SRA1: variants seen among roughly 807,000 people sequenced by gnomAD.
SRA1 encodes lncRNA SRA.
A neutral mutation model predicts 24.3 loss-of-function variants in SRA1; 25 were observed. The ratio of observed to expected loss-of-function variants is 1.03; its 90% CI spans 0.75 to 1.43. The LOEUF is 1.43. Among genes scored for constraint, SRA1 ranks in the 40% most tolerant of loss-of-function variants. The pLI, the probability that SRA1 is intolerant of heterozygous loss-of-function variation, is 0.00. For missense variants in SRA1, 303 were observed against 286.6 expected, an observed-to-expected ratio of 1.06 and a Z score of -0.41; for synonymous variants, 104 against 109.5, an observed-to-expected ratio of 0.95 and a Z score of 0.31.
chr5:140,555,211 T>C (rs1754660738), intron 2 of SRA1, among the ~76,000 whole-genome samples: 1 of 150,914 alleles, frequency 6.6e-6, no homozygotes, highest in Non-Finnish European at 1.5e-5. Flanking sequence ...CAGCATTCAT[T>C]ACTATTGATT....
chr5:140,550,728 G>A lies in SRA1; in HGVS notation c.647C>T (p.Thr216Ile). 6.2e-7 allele frequency: 1 copy of A among 1,614,090 alleles called. No individual in the cohort carries two copies. The highest frequency in any genetic ancestry group is 1.1e-5 in the South Asian group (1 of 91,074). Residue 216 changes from threonine (T) to isoleucine (I), a missense_variant, in exon 5 of 5, where the codon ACC (threonine) becomes ATC (isoleucine). Thr to Ile is a moderately conservative substitution (Grantham distance 89, BLOSUM62 -1). Transcript: ENST00000336283. ...TGAAGCCTGCTGGAAGCCTGGTATG[G>A]TATGGTTCTTCTCAGCTGTGGCTGC... ...KSAATAEKNH[T>I]IPGFQQAS
At chr5:140,557,107 C>T in intron 2 of SRA1, 40 bp downstream of exon 2, 1 of 1,147,864 alleles carries the variant, frequency 8.7e-7, no homozygotes, top group Non-Finnish European at 1.2e-6. Flanking sequence ...CCCCCCCCCC[C>T]CATTCTCCGT....
In SRA1 at chr5:140,557,244, C is replaced by T. The variant is rs372951909; in HGVS notation, c.54G>A (p.Pro18=). 1.2e-5 allele frequency: 20 copies of T among 1,612,508 alleles called. 1 individual carries two copies. Among genetic ancestry groups the T allele is most frequent in the Middle Eastern group, 1.6e-4 (1 of 6,084 alleles). Residue 18 remains proline (P), a synonymous_variant, in exon 2 of 5, where the codon CCG becomes CCA. Transcript: ENST00000336283. ...TCTGCAGCCCGTATGAGAACTGCGG[C>T]GGGTCGTTCCAGCCGCGTTCCTTGT... is the stretch of plus-strand genomic sequence containing the variant. ...PGNKERGWND[P]PQFSYGLQTQ...
At chr5:140,557,368 A>G in intron 1 of SRA1, 60 bp downstream of exon 1, 1 of 1,602,570 alleles carries the variant, frequency 6.2e-7, no homozygotes. Flanking sequence ...AAGCGCCGCA[A>G]CCGCCCCCAG....
intron 2 of SRA1, among the ~76,000 whole-genome samples, chr5:140,552,653 C>CAA (rs1230692302): frequency 4.6e-5 from 5 of 107,678 alleles, no homozygotes; most frequent in Non-Finnish European, 9.8e-5. Flanking sequence ...AACTCTGTCT[C>CAA]AAAAAAAAAA....
At chr5:140,556,202 A>G (rs1754689852) in intron 2 of SRA1, among the ~76,000 whole-genome samples, 1 of 152,240 alleles carries the variant, frequency 6.6e-6, no homozygotes, top group Non-Finnish European at 1.5e-5. Flanking sequence ...TTAAGAAACC[A>G]AGCCTTGTAT....
chr5:140,557,536 A>G (rs538318648), upstream of SRA1: 2 of 1,478,618 alleles, frequency 1.4e-6, no homozygotes, highest in East Asian at 2.5e-5. Flanking sequence ...GTCCAGGGCC[A>G]GGCGGGTTGC....
Position 140,550,619 on chromosome 5 carries a change from G to C in SRA1, c.*81C>G. 7.2e-7 allele frequency: 1 copy of C among 1,395,672 alleles called. No homozygotes were observed. The highest frequency in any genetic ancestry group is 1.0e-6 in the Non-Finnish European group (1 of 985,110). 86.5% of individuals were successfully genotyped at this position (1,395,672 alleles called of 1,614,324 possible). On this transcript the variant is annotated 3_prime_UTR_variant, in exon 5 of 5. Coordinates refer to ENST00000336283, the MANE Select transcript of SRA1 (RefSeq NM_001035235.4). ...GGTCAGGCCCAGTGGGACAGTCTTG[G>C]TGGTGGTAAGAAGGGAGCCAAGTGA...
Position 140,551,080 on chromosome 5 carries a change from T to C in SRA1, c.444A>G (p.Arg148=), listed in dbSNP as rs1412245955. ...GGKLSIPVKK[R]MALLVQELSS... is the part of the protein sequence containing the mutation. ...CCATACCTTGCACCAGTAGAGCCAT[T>C]CTCTTCTTTACAGGTATTGACAACT... The change falls in exon 4 of 5, where the codon AGA becomes AGG. Residue 148 remains arginine, a synonymous_variant. Coordinates refer to ENST00000336283, the MANE Select transcript of SRA1 (RefSeq NM_001035235.4). 1 of 1,613,920 alleles carries C rather than the reference T, an allele frequency of 6.2e-7. No homozygotes were observed. The highest frequency in any genetic ancestry group is 1.3e-5 in the African/African-American group (1 of 74,916).
At chr5:140,551,337 C>T in intron 3 of SRA1, 168 bp from the exon 4 acceptor site, 1 of 580,390 alleles carries the variant, frequency 1.7e-6, no homozygotes, top group Non-Finnish European at 3.1e-6. Flanking sequence ...TGAAACCTTC[C>T]TTTCCCTGCT....
At chr5:140,555,139 G>C (rs1754659047) in intron 2 of SRA1, among the ~76,000 whole-genome samples, 1 of 151,992 alleles carries the variant, frequency 6.6e-6, no homozygotes, top group African/African-American at 2.4e-5. Flanking sequence ...GGCCTCCAAA[G>C]TGCTGGAATT....
chr5:140,554,385 C>A (rs1333496399), intron 2 of SRA1, among the ~76,000 whole-genome samples: 1 of 152,204 alleles, frequency 6.6e-6, no homozygotes. Context: ...CTTCTTCTGA[C>A]ACTGCCTAAT....
chr5:140,557,833 C>T (rs1162310582), upstream of SRA1: 6 of 331,356 alleles, frequency 1.8e-5, no homozygotes, highest in Non-Finnish European at 3.3e-5. Context: ...TCCACATTCA[C>T]GTCCGGTAGC....
chr5:140,550,796 CT>C lies in SRA1; in HGVS notation c.578del (p.Lys193ArgfsTer71). 1 of 1,614,186 alleles carries C rather than the reference CT, an allele frequency of 6.2e-7. No homozygotes were observed. Among genetic ancestry groups the C allele is most frequent in the Non-Finnish European group, 8.5e-7 (1 of 1,180,026 alleles). ...CTGCCTCCTCTGAAAACAGACTCCT[CT>C]TTTCTGCAATTAATCTTTTAACTCC... is the stretch of plus-strand genomic sequence containing the variant. ...MVGVKRLIAE[K>X]RSLFSEEAAN... On this transcript the variant is annotated frameshift_variant, in exon 5 of 5. Transcript: ENST00000336283. LOFTEE classifies it high-confidence loss of function.
intron 2 of SRA1, among the ~76,000 whole-genome samples, chr5:140,554,509 G>A (rs1386586201): frequency 6.6e-6 from 1 of 152,118 alleles, no homozygotes; most frequent in African/African-American, 2.4e-5. Flanking sequence ...TAGATGAAAA[G>A]GTTCCTGCTC....
Position 140,551,121 on chromosome 5 carries a change from G to GTT in SRA1, c.401_402dup (p.Gln135AsnfsTer12). 1 of 1,614,192 alleles carries GTT rather than the reference G, an allele frequency of 6.2e-7. No individual in the cohort carries two copies. The highest frequency in any genetic ancestry group is 2.2e-5 in the East Asian group (1 of 44,888). On this transcript the variant is annotated frameshift_variant, in exon 4 of 5. Coordinates refer to ENST00000336283, the MANE Select transcript of SRA1 (RefSeq NM_001035235.4). LOFTEE classifies it high-confidence loss of function. ...ATTGACAACTTTCCTCCAGCCCACT[G>GTT]TTCCTGCAGCAGTGCCAGGCGTCGG...
Sources: gnomAD v4.1 joint callset for allele counts (sites outside exome capture counted in the v4.1 genomes callset) on GRCh38, gnomAD v4.1.1 for gene constraint, MANE v1.5 for transcripts, NCBI Gene and HGNC (gene_info 2026-07-23, HGNC 2026-07-21) for gene names.